Variants in HNRNPR observed in about 807,000 individuals in gnomAD.
HNRNPR encodes heterogeneous nuclear ribonucleoprotein R.
A neutral mutation model predicts 70.3 loss-of-function variants in HNRNPR; 4 were observed. The observed-to-expected ratio is 0.06, with a 90% CI of 0.03 to 0.13. The LOEUF (loss-of-function observed/expected upper bound fraction) is 0.13. Ranked by LOEUF, HNRNPR falls within the 10% of genes least tolerant of loss-of-function variation. HNRNPR has a pLI of 1.00. For synonymous variants in HNRNPR, 241 were observed against 267.6 expected (o/e 0.90, Z 0.97); for missense variants, 423 against 788.5 (o/e 0.54, Z 5.55).
intron 5 of HNRNPR, among the ~76,000 whole-genome samples, chr1:23,325,325 C>T (rs773925546): frequency 4.6e-5 from 7 of 151,954 alleles, no homozygotes; most frequent in South Asian, 2.1e-4. Flanking sequence ...CAAAATATGC[C>T]GACATTATTA....
intron 5 of HNRNPR, among the ~76,000 whole-genome samples, chr1:23,324,512 G>A (rs549689706): frequency 1.3e-5 from 2 of 152,062 alleles, no homozygotes; most frequent in Admixed American, 6.5e-5. Context: ...AGCTTGCAGC[G>A]AGCCGAGATC....
At chr1:23,337,967 T>G (rs1376731060) in intron 3 of HNRNPR, 106 bp from the exon 4 acceptor site, 20 of 722,656 alleles carry the variant, frequency 2.8e-5, no homozygotes, top group Non-Finnish European at 4.6e-5. Context: ...AACAAAAGAT[T>G]TACTGATTCA....
At chr1:23,317,145 G>A (rs1383823585) in intron 8 of HNRNPR, among the ~76,000 whole-genome samples, 1 of 152,126 alleles carries the variant, frequency 6.6e-6, no homozygotes, top group Non-Finnish European at 1.5e-5. Context: ...ATGCTCAAGA[G>A]CTCATTGCAA....
chr1:23,330,563 C>T (rs1483814887), intron 5 of HNRNPR, among the ~76,000 whole-genome samples: 1 of 152,102 alleles, frequency 6.6e-6, no homozygotes, highest in African/African-American at 2.4e-5. Flanking sequence ...ACAGAACTTG[C>T]TTCCCAAAGC....
chr1:23,338,095 G>A (rs770086533), intron 3 of HNRNPR: 2 of 432,354 alleles, frequency 4.6e-6, no homozygotes, highest in Non-Finnish European at 8.2e-6. Flanking sequence ...TCTTCCACTT[G>A]TTGATATGTG....
At chr1:23,327,137 C>G (rs1328385986) in intron 5 of HNRNPR, among the ~76,000 whole-genome samples, 1 of 152,178 alleles carries the variant, frequency 6.6e-6, no homozygotes, top group Non-Finnish European at 1.5e-5. Flanking sequence ...TTCAATTCCT[C>G]CCATTACCAC....
chr1:23,307,736 C>G lies in HNRNPR; in HGVS notation c.*2718G>C, dbSNP rs1001495988. 6.6e-6 allele frequency: 1 copy of G among 151,880 alleles called. No homozygotes were observed. 9.4% of individuals were successfully genotyped at this position (151,880 alleles called of 1,614,324 possible). A position where few individuals can be genotyped will look rare whatever the true frequency, so the allele number is the denominator to read the frequency against. ...ATTATGGGGAGGGGCATATTTGTAT[C>G]GGTCTCACCAGGGTACCTACAAAGA... On this transcript the variant is annotated 3_prime_UTR_variant, in exon 11 of 11. Coordinates refer to ENST00000302271, the MANE Select transcript of HNRNPR (RefSeq NM_005826.5).
intron 5 of HNRNPR, 97 bp downstream of exon 5, chr1:23,333,421 G>A: frequency 1.5e-6 from 1 of 667,170 alleles, no homozygotes. Context: ...ACTTTGAAAG[G>A]GATCAAGAAT....
At chr1:23,332,661 T>C (rs112862138) in intron 5 of HNRNPR, among the ~76,000 whole-genome samples, 7,323 of 147,700 alleles carry the variant, frequency 0.05, 583 homozygotes, top group African/African-American at 0.17. Context: ...GATTGCACCA[T>C]TGCACTCCAG....
At chr1:23,316,142 A>C (rs1211717328) in intron 8 of HNRNPR, among the ~76,000 whole-genome samples, 1 of 152,188 alleles carries the variant, frequency 6.6e-6, no homozygotes, top group African/African-American at 2.4e-5. Context: ...CAAATGGATA[A>C]ACTTTTCTTT....
chr1:23,315,077 C>T (rs1645478732), intron 8 of HNRNPR, among the ~76,000 whole-genome samples: 1 of 151,938 alleles, frequency 6.6e-6, no homozygotes, highest in South Asian at 2.1e-4. Flanking sequence ...GTTGGGAGTT[C>T]AAGACCAGCC....
intron 6 of HNRNPR, 105 bp downstream of exon 6, chr1:23,323,451 G>T (rs1344154745): frequency 1.9e-6 from 2 of 1,074,300 alleles, no homozygotes; most frequent in African/African-American, 3.2e-5. Context: ...AACATTCCAA[G>T]CAACAACTGA....
At position 23,313,671 on chromosome 1, in the gene HNRNPR, G is replaced by A; in HGVS notation, c.1049C>T (p.Thr350Ile). Residue 350 changes from threonine to isoleucine, a missense_variant, in exon 9 of 11, where the codon ACT (threonine) becomes ATT (isoleucine). Physicochemically the swap from Thr to Ile is moderately conservative, Grantham distance 89. Coordinates refer to ENST00000302271, the MANE Select transcript of HNRNPR (RefSeq NM_005826.5). ...TTCCAATATTTCTTCTGTCACCGTAGTAGCCAAGTTTCTCACAAACAAAAC... is the reference window on the plus strand; with the variant it reads ...TTCCAATATTTCTTCTGTCACCGTAATAGCCAAGTTTCTCACAAACAAAAC... ...VKVLFVRNLA[T>I]TVTEEILEKS... The A allele has an allele frequency of 2.5e-6, 4 of 1,604,300 alleles. No homozygotes were observed. Among genetic ancestry groups the A allele is most frequent in the Non-Finnish European group, 3.4e-6 (4 of 1,177,504 alleles).
intron 5 of HNRNPR, among the ~76,000 whole-genome samples, chr1:23,327,896 G>A (rs771177547): frequency 1.3e-5 from 2 of 149,606 alleles, no homozygotes; most frequent in Non-Finnish European, 3.0e-5. Flanking sequence ...AGTGTCTCAT[G>A]CCTATAATCC....
chr1:23,343,058 A>C (rs1460524401), intron 1 of HNRNPR, among the ~76,000 whole-genome samples: 1 of 152,296 alleles, frequency 6.6e-6, no homozygotes, highest in African/African-American at 2.4e-5. Context: ...TTTTGAAAAG[A>C]CTTTTTATGT....
intron 5 of HNRNPR, among the ~76,000 whole-genome samples, chr1:23,328,171 C>T (rs893226006): frequency 2.0e-5 from 3 of 152,188 alleles, no homozygotes; most frequent in South Asian, 2.1e-4. Flanking sequence ...AAACAGAGAA[C>T]GGGGCCAGAG....
chr1:23,321,184 C>T (rs1222980453), intron 7 of HNRNPR, among the ~76,000 whole-genome samples: 1 of 59,376 alleles, frequency 1.7e-5, no homozygotes, highest in East Asian at 6.1e-4. Flanking sequence ...AAAATCTGAT[C>T]TAGACAAGGC....
intron 8 of HNRNPR, among the ~76,000 whole-genome samples, chr1:23,316,842 T>C (rs1400111914): frequency 6.6e-6 from 1 of 152,198 alleles, no homozygotes; most frequent in East Asian, 1.9e-4. Flanking sequence ...ATCCCTTTCC[T>C]AGACACCCAT....
rs1645234311 is a variant in HNRNPR at position 23,308,226 on chromosome 1, T to C, written c.*2228A>G. 1 of 152,068 alleles carries C rather than the reference T, an allele frequency of 6.6e-6. No homozygotes were observed. Among genetic ancestry groups the C allele is most frequent in the South Asian group, 2.1e-4 (1 of 4,828 alleles). The allele number at this position is 152,068 out of a possible 1,614,324, so 9.4% of individuals were successfully genotyped here. On this transcript the variant is annotated 3_prime_UTR_variant, in exon 11 of 11. Transcript: ENST00000302271. ...GAGGTGGCCACTTTAAAATTCAAAA[T>C]ATAATTTGCAATTAAAGGAAAGGAT...
Sources: allele counts gnomAD v4.1 joint callset (sites outside exome capture counted in the v4.1 genomes callset), GRCh38; gene constraint gnomAD v4.1.1; transcripts MANE v1.5; gene names NCBI Gene and HGNC (gene_info 2026-07-23, HGNC 2026-07-21).